Variants in RGS3 observed in about 807,000 individuals in gnomAD.
The protein encoded by RGS3 is regulator of G-protein signalling 3.
Under a neutral mutation model 132.6 loss-of-function variants are expected in RGS3, and 80 were observed. That is an observed-to-expected ratio of 0.60 (90% CI 0.50 to 0.73). The LOEUF is 0.73. RGS3 is among the 30% of genes least tolerant of loss of function. The pLI is 0.00. For synonymous variants in RGS3, 598 were observed against 620.6 expected, an observed-to-expected ratio of 0.96 and a Z score of 0.54; for missense variants, 1,382 against 1,530.8, an observed-to-expected ratio of 0.90 and a Z score of 1.62.
At chr9:113,545,721 G>C (rs749150129) in intron 19 of RGS3, among the ~76,000 whole-genome samples, 1 of 152,110 alleles carries the variant, frequency 6.6e-6, no homozygotes, top group Non-Finnish European at 1.5e-5. Flanking sequence ...AAGGTAACCT[G>C]GTGGGCACTT....
exon 6 of RGS3, chr9:113,484,179 G>C: frequency 6.2e-7 from 1 of 1,613,310 alleles, no homozygotes; most frequent in Non-Finnish European, 8.5e-7. Context: ...GCCACCAGAA[G>C]ACGCAGACCG....
intron 19 of RGS3, among the ~76,000 whole-genome samples, chr9:113,560,878 G>C (rs1833754298): frequency 2.0e-5 from 3 of 152,208 alleles, no homozygotes; most frequent in Admixed American, 2.0e-4. Flanking sequence ...TGCAGAAGTT[G>C]AAGCCGGTGT....
chr9:113,515,301 C>G (rs1399956108), intron 15 of RGS3, among the ~76,000 whole-genome samples: 2 of 151,444 alleles, frequency 1.3e-5, no homozygotes, highest in African/African-American at 4.9e-5. Context: ...CTTCTTCCCC[C>G]TTTTCCTCCC....
In RGS3 at chr9:113,582,989, G is replaced by A. The variant is rs114556343; in HGVS notation, c.2038-461G>A. On this transcript the variant is annotated intron_variant, in intron 19 of 24. Transcript: ENST00000350696. ...TTCAGGTAGAAGACACCCTGGGCTGGGTTCAGTGACTGCCCTGGCTTGGTT... is the reference window on the plus strand; with the variant it reads ...TTCAGGTAGAAGACACCCTGGGCTGAGTTCAGTGACTGCCCTGGCTTGGTT... The A allele has an allele frequency of 8.6e-3, 1,483 of 172,068 alleles. 19 individuals carry two copies. Among genetic ancestry groups the A allele is most frequent in the African/African-American group, 0.033 (1,393 of 41,912 alleles). 10.7% of individuals were successfully genotyped at this position (172,068 alleles called of 1,614,324 possible). A position where few individuals can be genotyped will look rare whatever the true frequency, so the allele number is the denominator to read the frequency against.
exon 11 of RGS3, chr9:113,505,495 T>A: frequency 6.2e-7 from 1 of 1,614,152 alleles, no homozygotes; most frequent in Non-Finnish European, 8.5e-7. Context: ...GCTGCGACTC[T>A]CCAGTTCGAG....
chr9:113,575,386 C>T (rs1200597467), intron 19 of RGS3, among the ~76,000 whole-genome samples: 1 of 152,166 alleles, frequency 6.6e-6, no homozygotes, highest in Non-Finnish European at 1.5e-5. Flanking sequence ...GGTGTGCCGC[C>T]CTCCTGAGCC....
At chr9:113,580,976 C>T in intron 19 of RGS3, 2 of 985,662 alleles carry the variant, frequency 2.0e-6, no homozygotes, top group Non-Finnish European at 2.4e-6. Flanking sequence ...GTTGCTGCTT[C>T]CTTCCGTCTT....
At chr9:113,455,920 C>T (rs1829353786), upstream of RGS3, among the ~76,000 whole-genome samples, 1 of 152,076 alleles carries the variant, frequency 6.6e-6, no homozygotes, top group Admixed American at 6.5e-5. Flanking sequence ...GGGTGTTTTT[C>T]CTTTTAGAGT....
intron 3 of RGS3, among the ~76,000 whole-genome samples, chr9:113,470,375 G>A (rs1197491449): frequency 2.0e-5 from 3 of 152,090 alleles, no homozygotes; most frequent in Non-Finnish European, 2.9e-5. Flanking sequence ...TTGTAAATTT[G>A]TCTATTTCCC....
chr9:113,583,527 A>C, exon 20 of RGS3: 1 of 1,614,144 alleles, frequency 6.2e-7, no homozygotes, highest in South Asian at 1.1e-5. Context: ...AGGATTCCCC[A>C]CCCAGCAAGG....
At chr9:113,580,885 C>T (rs1834765872) in intron 19 of RGS3, 1 of 985,546 alleles carries the variant, frequency 1.0e-6, no homozygotes, top group African/African-American at 1.7e-5. Flanking sequence ...CCACCCTCAC[C>T]ACCCAGGAAA....
chr9:113,495,215 G>A (rs1003146576), intron 7 of RGS3, among the ~76,000 whole-genome samples: 7 of 152,168 alleles, frequency 4.6e-5, no homozygotes, highest in South Asian at 4.2e-4. Flanking sequence ...TTAGCCCCTC[G>A]CCATAGTCTG....
rs1833609903 is a variant in RGS3 at position 113,557,337 on chromosome 9, A to G, written c.2037+20419A>G. ...TGCTGCTGCCAGAAGGGCCAGGGTTATGGCCATGGCCTTGGAGTTGGACTC... is the reference window on the plus strand; with the variant it reads ...TGCTGCTGCCAGAAGGGCCAGGGTTGTGGCCATGGCCTTGGAGTTGGACTC... On this transcript the variant is annotated intron_variant, in intron 19 of 24. Transcript: ENST00000350696. Among the ~76,000 whole-genome samples the G allele has an allele frequency of 2.0e-5, 3 of 152,338 alleles. No individual in the cohort carries two copies. In the South Asian group the frequency reaches 6.2e-4, roughly 32 times the overall value.
chr9:113,501,389 C>T (rs560298681), intron 10 of RGS3: 54 of 1,402,288 alleles, frequency 3.9e-5, no homozygotes, highest in African/African-American at 2.7e-4. Flanking sequence ...AGGAAGCCTT[C>T]GGGCTTATCG....
chr9:113,476,094 G>A (rs921925214), intron 3 of RGS3, among the ~76,000 whole-genome samples: 2 of 152,116 alleles, frequency 1.3e-5, no homozygotes, highest in African/African-American at 4.8e-5. Flanking sequence ...GTGCCACTAT[G>A]CTCAGCTAAC....
At chr9:113,482,052 AAAAAAAAAC>A (rs1304680184) in intron 4 of RGS3, among the ~76,000 whole-genome samples, 38 of 151,808 alleles carry the variant, frequency 2.5e-4, no homozygotes, top group African/African-American at 6.3e-4. Flanking sequence ...ATCTCAAAAA[AAAAAAAAAC>A]AAAAAAAACA....
chr9:113,511,401 T>TAA (rs113868012), intron 14 of RGS3, among the ~76,000 whole-genome samples: 6 of 141,578 alleles, frequency 4.2e-5, no homozygotes, highest in African/African-American at 1.3e-4. Context: ...TGTACTGTTC[T>TAA]AAAAAAAAAA....
chr9:113,521,136 T>C (rs1028252626), intron 16 of RGS3, among the ~76,000 whole-genome samples: 2 of 152,084 alleles, frequency 1.3e-5, no homozygotes, highest in African/African-American at 4.8e-5. Context: ...GAGACAGGGC[T>C]GTGGTGGGAA....
chr9:113,474,583 A>T (rs1829932953), intron 3 of RGS3, among the ~76,000 whole-genome samples: 2 of 152,140 alleles, frequency 1.3e-5, no homozygotes, highest in South Asian at 4.1e-4. Flanking sequence ...TGCGAGGAAG[A>T]CTTGAGTACA....
Sources: gnomAD v4.1 joint callset for allele counts (sites outside exome capture counted in the v4.1 genomes callset) on GRCh38, gnomAD v4.1.1 for gene constraint, MANE v1.5 for transcripts, NCBI Gene and HGNC (gene_info 2026-07-23, HGNC 2026-07-21) for gene names.